Variants in EYA3 observed in about 807,000 individuals in gnomAD.
The protein encoded by EYA3 is EYA transcriptional coactivator and phosphatase 3, also known as protein phosphatase EYA3.
EYA3 carries 39 observed loss-of-function variants against 80.0 expected under a neutral mutation model. The ratio of observed to expected loss-of-function variants is 0.49; its 90% CI spans 0.38 to 0.64. The LOEUF is 0.64. Among genes scored for constraint, EYA3 ranks in the 30% least tolerant of loss-of-function variants. The probability of loss-of-function intolerance (pLI) is 0.00; values close to 1 mark genes in which losing one functional copy is unlikely to be tolerated. For missense variants in EYA3, 523 were observed against 676.1 expected (o/e 0.77, Z 2.51); for synonymous variants, 206 against 232.8 (o/e 0.88, Z 1.05).
chr1:28,057,994 T>A lies in EYA3; in HGVS notation c.33A>T (p.Pro11=). MEEEQDLPEQ[P]VKKAKMQESG... is the part of the protein sequence containing the mutation. The stretch of plus-strand genomic sequence containing the variant: ...TTAAACTGTTAAAGGAAATACTTAC[T>A]GGTTGCTCTGGTAAATCTTGCTCTT... Residue 11 remains proline (P), a splice_region_variant and synonymous_variant, in exon 2 of 18, where the codon CCA becomes CCT. Transcript: ENST00000373871. 3.2e-6 allele frequency: 5 copies of A among 1,579,976 alleles called. No homozygotes were observed. Among genetic ancestry groups the A allele is most frequent in the Non-Finnish European group, 4.3e-6 (5 of 1,156,670 alleles).
At chr1:28,015,578 G>C (rs1359779661) in intron 8 of EYA3, among the ~76,000 whole-genome samples, 1 of 152,034 alleles carries the variant, frequency 6.6e-6, no homozygotes, top group African/African-American at 2.4e-5. Flanking sequence ...GAGCAGGTCA[G>C]TAACATGACA....
rs752697098 is a variant in EYA3, at chr1:28,035,573, G to C, written c.332C>G (p.Ala111Gly). 6.2e-7 allele frequency: 1 copy of C among 1,614,054 alleles called. No homozygotes were observed. The highest frequency in any genetic ancestry group is 8.5e-7 in the Non-Finnish European group (1 of 1,179,976). Residue 111 changes from alanine (A) to glycine (G), a missense_variant, in exon 6 of 18, where the codon GCA becomes GGA. Physicochemically the swap from Ala to Gly is moderately conservative, Grantham distance 60. This residue lies in a region of EYA3 where 304 missense variants were observed against 343.3 expected (regional missense o/e 0.89). Transcript: ENST00000373871. ...QTQPYAVYPQATQTYGLPPFG... is the reference protein window; with the variant it reads ...QTQPYAVYPQGTQTYGLPPFG... ...AGGAGGTAGTCCATACGTTTGGGTT[G>C]CCTGAGGGTAGACAGCATAGGGTTG... is the stretch of plus-strand genomic sequence containing the variant.
intron 1 of EYA3, among the ~76,000 whole-genome samples, chr1:28,080,110 A>C (rs1374665081): frequency 6.6e-6 from 1 of 152,028 alleles, no homozygotes; most frequent in East Asian, 1.9e-4. Flanking sequence ...ATATCAACTT[A>C]GTGAATGGAA....
intron 11 of EYA3, among the ~76,000 whole-genome samples, chr1:28,000,448 G>C (rs112057894): frequency 0.068 from 10,285 of 151,926 alleles, 607 homozygotes; most frequent in East Asian, 0.25. Context: ...GAGTAGCTGG[G>C]ACTACAGGCA....
rs1639085385 is a variant in EYA3, at chr1:27,978,404, A to G, written c.1611T>C (p.Asp537=). 6.2e-7 allele frequency: 1 copy of G among 1,614,116 alleles called. No individual in the cohort carries two copies. The highest frequency in any genetic ancestry group is 8.5e-7 in the Non-Finnish European group (1 of 1,180,000). ...TGGCTGCAATTTCTTCATCTCGTCC[A>G]TCTCCAATCACTACATATGTGACTT... ...GKKVTYVVIG[D]GRDEEIAAKQ... The change falls in exon 17 of 18, where the codon GAT becomes GAC. Residue 537 remains aspartate (D), a synonymous_variant. Transcript: ENST00000373871.
intron 16 of EYA3, among the ~76,000 whole-genome samples, chr1:27,980,728 C>G (rs2148706094): frequency 6.6e-6 from 1 of 152,206 alleles, no homozygotes; most frequent in South Asian, 2.1e-4. Flanking sequence ...AATATTAGTC[C>G]CTGGGTTTTC....
At chr1:27,993,905 A>T (rs1404229647) in intron 13 of EYA3, among the ~76,000 whole-genome samples, 1 of 152,260 alleles carries the variant, frequency 6.6e-6, no homozygotes, top group Non-Finnish European at 1.5e-5. Flanking sequence ...GAGTACACTT[A>T]CACACACAGT....
intron 1 of EYA3, among the ~76,000 whole-genome samples, chr1:28,068,738 T>A (rs1020567640): frequency 2.0e-5 from 3 of 152,208 alleles, no homozygotes; most frequent in Middle Eastern, 3.2e-3. Context: ...TTTCTCTTTA[T>A]AACCGTAAGT....
At chr1:28,075,670 C>A (rs1481872940) in intron 1 of EYA3, among the ~76,000 whole-genome samples, 1 of 152,192 alleles carries the variant, frequency 6.6e-6, no homozygotes, top group Non-Finnish European at 1.5e-5. Context: ...CAAGATTCAG[C>A]CATTTCTCTT....
chr1:28,037,354 G>GA (rs1360231370), intron 5 of EYA3, among the ~76,000 whole-genome samples: 1 of 152,178 alleles, frequency 6.6e-6, no homozygotes, highest in Non-Finnish European at 1.5e-5. Context: ...ATGAATAAAT[G>GA]AATTTGGAAT....
intron 14 of EYA3, among the ~76,000 whole-genome samples, chr1:27,990,943 G>A (rs560885856): frequency 2.9e-4 from 44 of 152,064 alleles, no homozygotes; most frequent in African/African-American, 1.0e-3. Flanking sequence ...GTGTTTTGGG[G>A]ATGTTCAGGC....
chr1:27,986,068 TAAAAC>T (rs1325574800), intron 16 of EYA3, among the ~76,000 whole-genome samples: 4 of 152,068 alleles, frequency 2.6e-5, no homozygotes, highest in Non-Finnish European at 5.9e-5. Flanking sequence ...CACTAATCTT[TAAAAC>T]AAAAAATTTT....
intron 2 of EYA3, 24 bp from the exon 3 acceptor site, chr1:28,048,450 T>C: frequency 6.3e-7 from 1 of 1,595,176 alleles, no homozygotes; most frequent in East Asian, 2.2e-5. Context: ...TATACAAAGG[T>C]ATCAATGTAC....
intron 16 of EYA3, among the ~76,000 whole-genome samples, chr1:27,983,038 A>T (rs1369694185): frequency 6.6e-6 from 1 of 152,224 alleles, no homozygotes; most frequent in Non-Finnish European, 1.5e-5. Context: ...ATCCTTGTAC[A>T]TGTCTCCTTG....
intron 13 of EYA3, among the ~76,000 whole-genome samples, chr1:27,995,140 C>T (rs1335774957): frequency 6.6e-6 from 1 of 151,430 alleles, no homozygotes; most frequent in Non-Finnish European, 1.5e-5. Context: ...TGTGGTGGCT[C>T]ATGTCTATAA....
At chr1:28,041,786 A>G (rs891044740) in intron 4 of EYA3, among the ~76,000 whole-genome samples, 1 of 152,166 alleles carries the variant, frequency 6.6e-6, no homozygotes, top group African/African-American at 2.4e-5. Context: ...TTGGGATTAC[A>G]GACAAGATCC....
chr1:28,043,185 T>C (rs1341267870), intron 3 of EYA3, among the ~76,000 whole-genome samples: 1 of 152,188 alleles, frequency 6.6e-6, no homozygotes, highest in African/African-American at 2.4e-5. Flanking sequence ...AGTTTTTATA[T>C]AATTCAGAAA....
At chr1:28,079,976 G>C (rs1277809960) in intron 1 of EYA3, among the ~76,000 whole-genome samples, 1 of 152,002 alleles carries the variant, frequency 6.6e-6, no homozygotes, top group Non-Finnish European at 1.5e-5. Flanking sequence ...TTAGGGGAAA[G>C]ATCTAGCAGT....
chr1:28,049,624 T>C (rs1057355300), intron 2 of EYA3, among the ~76,000 whole-genome samples: 1 of 152,134 alleles, frequency 6.6e-6, no homozygotes, highest in African/African-American at 2.4e-5. Context: ...GATTCCAGGA[T>C]AGTATGCAGA....
Sources: allele counts gnomAD v4.1 joint callset (sites outside exome capture counted in the v4.1 genomes callset), GRCh38; gene constraint gnomAD v4.1.1; regional missense constraint gnomAD v4.1.1; transcripts MANE v1.5; gene names NCBI Gene and HGNC (gene_info 2026-07-23, HGNC 2026-07-21).